The following SLIT2 variants were observed in gnomAD, a reference collection of about 807,000 sequenced individuals.
SLIT2 encodes slit homolog 2 protein.
A neutral mutation model predicts 185.7 loss-of-function variants in SLIT2; 41 were observed. The ratio of observed to expected loss-of-function variants is 0.22; its 90% CI spans 0.17 to 0.29. SLIT2 has a LOEUF of 0.29. Among genes scored for constraint, SLIT2 ranks in the 10% least tolerant of loss-of-function variants. SLIT2 has a pLI of 1.00. For missense variants in SLIT2, 1,571 were observed against 1,909.0 expected (o/e 0.82, Z 3.30); for synonymous variants, 693 against 680.2 (o/e 1.02, Z -0.29).
chr4:20,297,007 A>G (rs988439594), intron 4 of SLIT2, among the ~76,000 whole-genome samples: 2 of 152,220 alleles, frequency 1.3e-5, no homozygotes, highest in East Asian at 1.9e-4. Flanking sequence ...GTCCTTGAAC[A>G]TGCTTTACAG....
At chr4:20,312,631 G>A (rs937433965) in intron 4 of SLIT2, among the ~76,000 whole-genome samples, 2 of 151,694 alleles carry the variant, frequency 1.3e-5, no homozygotes, top group African/African-American at 2.4e-5. Flanking sequence ...AAAATTAGCG[G>A]GTTTGTTGGC....
intron 9 of SLIT2, among the ~76,000 whole-genome samples, chr4:20,506,847 T>A (rs1326532273): frequency 6.6e-6 from 1 of 152,052 alleles, no homozygotes; most frequent in Non-Finnish European, 1.5e-5. Flanking sequence ...GAATGAAGGA[T>A]GCAATTACGT....
At chr4:20,265,420 A>T (rs1485754980) in intron 3 of SLIT2, among the ~76,000 whole-genome samples, 1 of 151,942 alleles carries the variant, frequency 6.6e-6, no homozygotes, top group Non-Finnish European at 1.5e-5. Context: ...AGTGGAGCCA[A>T]ATGTGTATTG....
intron 4 of SLIT2, among the ~76,000 whole-genome samples, chr4:20,400,110 A>G (rs531004444): frequency 6.6e-6 from 1 of 151,936 alleles, no homozygotes; most frequent in Non-Finnish European, 1.5e-5. Flanking sequence ...AGGTGACATT[A>G]TTAGATTTGT....
chr4:20,502,325 A>G (rs760291249), intron 9 of SLIT2, among the ~76,000 whole-genome samples: 1 of 152,214 alleles, frequency 6.6e-6, no homozygotes, highest in East Asian at 1.9e-4. Flanking sequence ...AGTGAGTACT[A>G]TTGCAACACA....
intron 4 of SLIT2, among the ~76,000 whole-genome samples, chr4:20,361,271 G>A (rs114306096): frequency 1.5e-3 from 215 of 142,100 alleles, no homozygotes; most frequent in African/African-American, 5.3e-3. Flanking sequence ...TTTTATTAGA[G>A]CTTTTCCCTC....
intron 36 of SLIT2, 87 bp from the exon 37 acceptor site, chr4:20,618,681 T>A: frequency 1.5e-6 from 2 of 1,372,746 alleles, no homozygotes; most frequent in Non-Finnish European, 9.9e-7. Context: ...AAGCAAAGGC[T>A]TCTGAATTAA....
At chr4:20,467,369 A>G (rs574382995) in intron 4 of SLIT2, among the ~76,000 whole-genome samples, 2 of 152,234 alleles carry the variant, frequency 1.3e-5, no homozygotes, top group African/African-American at 4.8e-5. Flanking sequence ...AAGTTATGCC[A>G]GGGGTGTTGG....
intron 22 of SLIT2, among the ~76,000 whole-genome samples, chr4:20,546,735 A>G (rs895826560): frequency 1.3e-5 from 2 of 152,080 alleles, no homozygotes; most frequent in African/African-American, 4.8e-5. Flanking sequence ...AGTTGTAAAT[A>G]CAAGAAGATA....
At chr4:20,280,712 C>T (rs1253816568) in intron 4 of SLIT2, among the ~76,000 whole-genome samples, 4 of 151,992 alleles carry the variant, frequency 2.6e-5, no homozygotes, top group Non-Finnish European at 1.5e-5. Context: ...GGTAATAAAT[C>T]AGGAATTAGA....
At chr4:20,325,461 G>T (rs899867916) in intron 4 of SLIT2, among the ~76,000 whole-genome samples, 8 of 149,814 alleles carry the variant, frequency 5.3e-5, no homozygotes, top group African/African-American at 2.0e-4. Context: ...AAAAAGAATA[G>T]AAAGTAGAAA....
intron 4 of SLIT2, among the ~76,000 whole-genome samples, chr4:20,382,404 A>G (rs1012032452): frequency 2.6e-5 from 4 of 152,176 alleles, no homozygotes; most frequent in Non-Finnish European, 4.4e-5. Flanking sequence ...GCCTTCTAAC[A>G]TGATCGTTTT....
At chr4:20,291,788 G>C (rs1715970720) in intron 4 of SLIT2, among the ~76,000 whole-genome samples, 1 of 151,914 alleles carries the variant, frequency 6.6e-6, no homozygotes, top group Admixed American at 6.6e-5. Flanking sequence ...TCTAAGCCGA[G>C]TGCCATGGTA....
intron 9 of SLIT2, among the ~76,000 whole-genome samples, chr4:20,507,203 C>G (rs1719288914): frequency 6.6e-6 from 1 of 151,810 alleles, no homozygotes; most frequent in Non-Finnish European, 1.5e-5. Context: ...GAGTATGCAG[C>G]ATTTTCAAAA....
intron 5 of SLIT2, 78 bp from the exon 6 acceptor site, chr4:20,480,638 C>A (rs1716603965): frequency 4.0e-6 from 4 of 1,007,566 alleles, no homozygotes; most frequent in Non-Finnish European, 6.3e-6. Flanking sequence ...GTATCATAGA[C>A]CCTTCAGGAA....
chr4:20,471,878 A>G (rs1240030322), intron 5 of SLIT2, among the ~76,000 whole-genome samples: 2 of 152,146 alleles, frequency 1.3e-5, no homozygotes, highest in African/African-American at 2.4e-5. Context: ...AGGACTTCCC[A>G]TAACTTTTTT....
At chr4:20,321,110 G>A (rs1719039774) in intron 4 of SLIT2, among the ~76,000 whole-genome samples, 1 of 152,150 alleles carries the variant, frequency 6.6e-6, no homozygotes, top group South Asian at 2.1e-4. Context: ...CTGGGCGACA[G>A]AGCAAGACTC....
At chr4:20,403,897 T>TAAAA (rs11462563) in intron 4 of SLIT2, among the ~76,000 whole-genome samples, 3 of 146,174 alleles carry the variant, frequency 2.1e-5, no homozygotes, top group Non-Finnish European at 3.0e-5. Flanking sequence ...TAACTGGACT[T>TAAAA]AAAAAAAAAA....
intron 4 of SLIT2, among the ~76,000 whole-genome samples, chr4:20,426,998 A>G (rs1480413048): frequency 6.6e-6 from 1 of 152,136 alleles, no homozygotes; most frequent in Non-Finnish European, 1.5e-5. Context: ...TCTATAGTCT[A>G]AGCTTTAACC....
Sources: gnomAD v4.1 joint callset for allele counts (sites outside exome capture counted in the v4.1 genomes callset) on GRCh38, gnomAD v4.1.1 for gene constraint, MANE v1.5 for transcripts, NCBI Gene and HGNC (gene_info 2026-07-23, HGNC 2026-07-21) for gene names.